Variants in PRUNE2 observed in about 807,000 individuals in gnomAD.
The protein encoded by PRUNE2 is prune homolog 2 with BCH domain.
PRUNE2 carries 164 observed loss-of-function variants against 252.0 expected under a neutral mutation model. The ratio of observed to expected loss-of-function variants is 0.65; its 90% CI spans 0.57 to 0.74. The LOEUF (loss-of-function observed/expected upper bound fraction) is 0.74. Ranked by LOEUF, PRUNE2 falls within the 30% of genes least tolerant of loss-of-function variation. The pLI is 0.00. For missense variants in PRUNE2, 3,495 were observed against 3,711.0 expected (o/e 0.94, Z 1.51); for synonymous variants, 1,292 against 1,350.2 (o/e 0.96, Z 0.94).
In PRUNE2 at chr9:76,678,551, C is replaced by T. The variant is rs115265794; in HGVS notation, c.8277-23049G>A. 5.8e-3 allele frequency among the ~76,000 whole-genome samples: 883 copies of T among 152,274 alleles called. 9 individuals carry two copies. The highest frequency in any genetic ancestry group is 0.02 in the African/African-American group (843 of 41,558). On this transcript the variant is annotated intron_variant, in intron 9 of 18. Coordinates refer to ENST00000376718, the MANE Select transcript of PRUNE2 (RefSeq NM_015225.3). ...GGGCATTATAAAGACCTTCCTTGGC[C>T]GGGCACGGCGGCACACGCCTATAAT...
chr9:76,681,770 CAG>C (rs763240495), intron 9 of PRUNE2, among the ~76,000 whole-genome samples: 32 of 152,240 alleles, frequency 2.1e-4, no homozygotes, highest in Non-Finnish European at 3.8e-4. Context: ...TAAATCATCT[CAG>C]AATGTCACAT....
chr9:76,841,331 G>C (rs1200682047), intron 4 of PRUNE2, among the ~76,000 whole-genome samples: 1 of 152,190 alleles, frequency 6.6e-6, no homozygotes, highest in African/African-American at 2.4e-5. Flanking sequence ...CAGACCAGGA[G>C]ATTCCCTTGG....
Position 76,709,773 on chromosome 9 carries a change from C to T in PRUNE2, c.2501G>A (p.Trp834Ter), listed in dbSNP as rs1564116939. ...KTPSVRDPNE[W>*]AMAKSGFAFS... ...GGCAAACCCACTTTTTGCCATGGCC[C>T]ACTCATTCGGGTCCCTAACAGAAGG... is the stretch of plus-strand genomic sequence containing the variant. The change falls in exon 8 of 19, where the codon TGG becomes TAG. Residue 834 changes from tryptophan (W) to a stop codon, truncating the protein, a stop_gained. Coordinates refer to ENST00000376718, the MANE Select transcript of PRUNE2 (RefSeq NM_015225.3). LOFTEE classifies it high-confidence loss of function. The T allele has an allele frequency of 1.2e-6, 2 of 1,613,864 alleles. No individual in the cohort carries two copies. Among genetic ancestry groups the T allele is most frequent in the Admixed American group, 1.7e-5 (1 of 60,022 alleles).
At chr9:76,840,493 A>G (rs908164512) in intron 4 of PRUNE2, among the ~76,000 whole-genome samples, 1 of 152,194 alleles carries the variant, frequency 6.6e-6, no homozygotes, top group Non-Finnish European at 1.5e-5. Context: ...GAAAATGTAG[A>G]GTTTTTTGGT....
chr9:76,699,477 T>A (rs1484270742), intron 9 of PRUNE2, among the ~76,000 whole-genome samples: 1 of 152,150 alleles, frequency 6.6e-6, no homozygotes. Context: ...TCCAATCAGA[T>A]AAAGGTCTTA....
At chr9:76,823,458 C>T in intron 6 of PRUNE2, 174 bp downstream of exon 6, 3 of 591,890 alleles carry the variant, frequency 5.1e-6, no homozygotes, top group South Asian at 2.4e-5. Flanking sequence ...TTTTCATTGA[C>T]TTAGCATAGT....
chr9:76,697,061 T>C (rs924326976), intron 9 of PRUNE2, among the ~76,000 whole-genome samples: 1 of 152,244 alleles, frequency 6.6e-6, no homozygotes, highest in Non-Finnish European at 1.5e-5. Flanking sequence ...GTGCCCCTGA[T>C]ATGCGAATAT....
chr9:76,624,451 C>A lies in PRUNE2; in HGVS notation c.9188+1G>T, dbSNP rs959911346. 1 of 1,428,022 alleles carries A rather than the reference C, an allele frequency of 7.0e-7. No homozygotes were observed. Among genetic ancestry groups the A allele is most frequent in the Admixed American group, 2.7e-5 (1 of 36,420 alleles). 88.5% of individuals were successfully genotyped at this position (1,428,022 alleles called of 1,614,324 possible). ...GCCGCTAAACGAAAACCAAGTCTTA[C>A]TTAGCTGCCTCTGATGCTTCCCTCA... On this transcript the variant is annotated splice_donor_variant, in intron 17 of 18. Transcript: ENST00000376718. LOFTEE classifies it high-confidence loss of function.
intron 9 of PRUNE2, among the ~76,000 whole-genome samples, chr9:76,670,914 T>A (rs999467335): frequency 4.6e-5 from 7 of 151,598 alleles, no homozygotes; most frequent in African/African-American, 1.7e-4. Context: ...ATCACCATCA[T>A]CAAAGACCAA....
At chr9:76,628,851 CTT>C (rs10632629) in intron 16 of PRUNE2, among the ~76,000 whole-genome samples, 20 of 145,178 alleles carry the variant, frequency 1.4e-4, no homozygotes, top group Non-Finnish European at 2.0e-4. Context: ...CAAACACACA[CTT>C]TTTTTTTTTT....
chr9:76,837,954 G>A (rs1330159891), intron 4 of PRUNE2, among the ~76,000 whole-genome samples: 1 of 151,782 alleles, frequency 6.6e-6, no homozygotes, highest in African/African-American at 2.4e-5. Flanking sequence ...TGTATTTTTA[G>A]TAGAGACGGG....
intron 1 of PRUNE2, among the ~76,000 whole-genome samples, chr9:76,881,052 C>T (rs1564496703): frequency 6.6e-6 from 1 of 151,814 alleles, no homozygotes; most frequent in African/African-American, 2.4e-5. Context: ...CCTCCACCTC[C>T]CTCCCCCTGG....
intron 6 of PRUNE2, among the ~76,000 whole-genome samples, chr9:76,754,998 AC>A (rs1421958943): frequency 2.2e-4 from 33 of 151,220 alleles, no homozygotes; most frequent in African/African-American, 6.8e-4. Flanking sequence ...ACCCAAAAAA[AC>A]AAAAGCAAAA....
At chr9:76,761,544 C>T (rs1168840481) in intron 6 of PRUNE2, among the ~76,000 whole-genome samples, 1 of 152,144 alleles carries the variant, frequency 6.6e-6, no homozygotes, top group Admixed American at 6.5e-5. Flanking sequence ...ACAATTTTAT[C>T]TCTGGACATC....
At chr9:76,778,751 G>A (rs1352325773) in intron 6 of PRUNE2, 2 of 152,210 alleles carry the variant, frequency 1.3e-5, no homozygotes, top group Non-Finnish European at 2.9e-5. Context: ...TTTATTTCAG[G>A]TGCCTAGAAC....
chr9:76,615,255 G>A (rs1047497763), intron 18 of PRUNE2: 53 of 985,104 alleles, frequency 5.4e-5, no homozygotes, highest in Non-Finnish European at 5.7e-5. Flanking sequence ...ATCCACCCAA[G>A]AGGAAGAAAA....
intron 1 of PRUNE2, among the ~76,000 whole-genome samples, chr9:76,856,119 G>A (rs940710574): frequency 1.3e-5 from 2 of 152,220 alleles, no homozygotes; most frequent in African/African-American, 4.8e-5. Flanking sequence ...TTATAAGGCA[G>A]ACAGTAAGAA....
At chr9:76,623,556 G>A (rs1044758947) in intron 17 of PRUNE2, among the ~76,000 whole-genome samples, 1 of 152,176 alleles carries the variant, frequency 6.6e-6, no homozygotes, top group South Asian at 2.1e-4. Context: ...GCCTCCCAAA[G>A]TGCTGGGATT....
chr9:76,885,503 A>G (rs2062035250), intron 1 of PRUNE2, among the ~76,000 whole-genome samples: 1 of 152,196 alleles, frequency 6.6e-6, no homozygotes, highest in Non-Finnish European at 1.5e-5. Flanking sequence ...GACAGCTGAA[A>G]GGAAATAGGA....
Sources: gnomAD v4.1 joint callset for allele counts (sites outside exome capture counted in the v4.1 genomes callset) on GRCh38, gnomAD v4.1.1 for gene constraint, MANE v1.5 for transcripts, NCBI Gene and HGNC (gene_info 2026-07-23, HGNC 2026-07-21) for gene names.